KIAA1549L: variants seen among roughly 807,000 people sequenced by gnomAD.
KIAA1549L encodes the protein UPF0606 protein KIAA1549L.
KIAA1549L carries 88 observed loss-of-function variants against 160.7 expected under a neutral mutation model. That is an observed-to-expected ratio of 0.55 (90% confidence interval 0.46 to 0.65). The LOEUF (loss-of-function observed/expected upper bound fraction) is 0.65, where lower values mean the gene tolerates loss of function less well. KIAA1549L is among the 30% of genes least tolerant of loss of function. The pLI, the probability that KIAA1549L is intolerant of heterozygous loss-of-function variation, is 0.00. For synonymous variants in KIAA1549L, 950 were observed against 976.7 expected (o/e 0.97, Z 0.51); for missense variants, 2,258 against 2,437.5 (o/e 0.93, Z 1.55).
chr11:33,671,743 GTT>G lies in KIAA1549L; in HGVS notation c.*3591_*3592del, dbSNP rs1363414586. ...TTAAACATTGATTACATATAAACGA[GTT>G]TCCTTTTTTTCTACATAGCACACAG... On this transcript the variant is annotated 3_prime_UTR_variant, in exon 21 of 21. Transcript: ENST00000658780. 2 of 152,112 alleles carry G rather than the reference GTT, an allele frequency of 1.3e-5. No individual in the cohort carries two copies. The highest frequency in any genetic ancestry group is 2.9e-5 in the Non-Finnish European group (2 of 68,018). 9.4% of individuals were successfully genotyped at this position (152,112 alleles called of 1,614,324 possible). A position where few individuals can be genotyped will look rare whatever the true frequency, so the allele number is the denominator to read the frequency against.
At chr11:33,541,342 G>A (rs1011262906) in intron 1 of KIAA1549L, among the ~76,000 whole-genome samples, 1 of 152,170 alleles carries the variant, frequency 6.6e-6, no homozygotes. Context: ...CTTTCCAAAC[G>A]CAGACAACCT....
At chr11:33,586,326 C>G (rs938907231) in intron 11 of KIAA1549L, among the ~76,000 whole-genome samples, 4 of 152,096 alleles carry the variant, frequency 2.6e-5, no homozygotes, top group Admixed American at 6.5e-5. Context: ...TCCCGGGAGC[C>G]GAGACCAGAG....
intron 1 of KIAA1549L, among the ~76,000 whole-genome samples, chr11:33,528,423 C>G (rs1037867597): frequency 1.3e-5 from 2 of 152,188 alleles, no homozygotes; most frequent in African/African-American, 4.8e-5. Flanking sequence ...TATGGAGATT[C>G]CTTAAAGAAC....
chr11:33,668,295 G>A lies in KIAA1549L; in HGVS notation c.*141G>A. ...CATTTCTGAAAAGGTGAACTATGGGGCTTCTGGGAACAGGAAACTCTTGAA... is the reference window on the plus strand; with the variant it reads ...CATTTCTGAAAAGGTGAACTATGGGACTTCTGGGAACAGGAAACTCTTGAA... On this transcript the variant is annotated 3_prime_UTR_variant, in exon 21 of 21. Coordinates refer to ENST00000658780, the MANE Select transcript of KIAA1549L (RefSeq NM_012194.3). 2.6e-6 allele frequency: 2 copies of A among 778,004 alleles called. No individual in the cohort carries two copies. The highest frequency in any genetic ancestry group is 1.8e-5 in the African/African-American group (1 of 57,130). 48.2% of individuals were successfully genotyped at this position (778,004 alleles called of 1,614,324 possible).
At chr11:33,642,280 G>A (rs990819764) in intron 16 of KIAA1549L, among the ~76,000 whole-genome samples, 2 of 152,184 alleles carry the variant, frequency 1.3e-5, no homozygotes, top group Non-Finnish European at 2.9e-5. Flanking sequence ...GTTAGGGAAA[G>A]TGGGCCTTTT....
At chr11:33,448,084 A>G (rs539392419) in intron 1 of KIAA1549L, among the ~76,000 whole-genome samples, 2 of 152,244 alleles carry the variant, frequency 1.3e-5, no homozygotes, top group South Asian at 4.1e-4. Flanking sequence ...ATTATTTTTA[A>G]AAAATTTTAA....
At chr11:33,660,191 C>T (rs915818432) in intron 19 of KIAA1549L, among the ~76,000 whole-genome samples, 2 of 72 alleles carry the variant, frequency 0.028, no homozygotes, top group African/African-American at 0.14. Flanking sequence ...ACTGTCTGGA[C>T]TTTAGCCCAC....
At chr11:33,435,566 T>C (rs887704038) in intron 1 of KIAA1549L, among the ~76,000 whole-genome samples, 2 of 151,506 alleles carry the variant, frequency 1.3e-5, no homozygotes, top group African/African-American at 4.9e-5. Context: ...ATTTTGCTCC[T>C]ACATATTTTA....
Position 33,479,856 on chromosome 11 carries a change from T to A in KIAA1549L, c.239-61946T>A, listed in dbSNP as rs115840816. Among the ~76,000 whole-genome samples the A allele has an allele frequency of 5.2e-3, 788 of 152,272 alleles. 9 individuals carry two copies. Among genetic ancestry groups the A allele is most frequent in the African/African-American group, 0.017 (712 of 41,546 alleles). On this transcript the variant is annotated intron_variant, in intron 1 of 20. Coordinates refer to ENST00000658780, the MANE Select transcript of KIAA1549L (RefSeq NM_012194.3). ...GCAGGACTCTCAGGACCAAGCAAGG[T>A]AGCAGAAGAGAGGCTCAGAGCTTTC...
At chr11:33,657,534 T>A (rs1055683222) in intron 18 of KIAA1549L, among the ~76,000 whole-genome samples, 3 of 152,110 alleles carry the variant, frequency 2.0e-5, no homozygotes, top group African/African-American at 7.2e-5. Context: ...TGGTGGCTCA[T>A]GCCTGTAATC....
At chr11:33,665,359 C>G (rs1240238190) in intron 20 of KIAA1549L, 1 of 152,080 alleles carries the variant, frequency 6.6e-6, no homozygotes, top group Non-Finnish European at 1.5e-5. Context: ...TGGCTCCTCT[C>G]TGCCCACTGC....
intron 16 of KIAA1549L, among the ~76,000 whole-genome samples, chr11:33,621,413 A>G (rs940544941): frequency 2.6e-5 from 4 of 152,126 alleles, no homozygotes; most frequent in African/African-American, 9.7e-5. Context: ...TGGTAGTAAT[A>G]TTCTAGAAGG....
Position 33,614,288 on chromosome 11 carries a change from A to G in KIAA1549L, c.5280-4245A>G, listed in dbSNP as rs937590190. Among the ~76,000 whole-genome samples, 3 of 151,820 alleles carry G rather than the reference A, an allele frequency of 2.0e-5. No homozygotes were observed. In the East Asian group the frequency reaches 5.8e-4, roughly 30 times the overall value. ...GCTAGTAAAGGACTCACTGGCAGAC[A>G]TGCCTTTCATGTGCAAAGCAGCCAG... On this transcript the variant is annotated intron_variant, in intron 15 of 20. Transcript: ENST00000658780.
chr11:33,631,889 G>A (rs1468723190), intron 16 of KIAA1549L, among the ~76,000 whole-genome samples: 1 of 152,156 alleles, frequency 6.6e-6, no homozygotes. Flanking sequence ...TAGATGCGGT[G>A]TCTCTATTTG....
intron 1 of KIAA1549L, among the ~76,000 whole-genome samples, chr11:33,408,643 T>C (rs1039959254): frequency 3.3e-5 from 5 of 151,498 alleles, no homozygotes; most frequent in South Asian, 2.1e-4. Flanking sequence ...CAAAGTGATA[T>C]AGACTTTCCT....
In KIAA1549L at chr11:33,543,197, G is replaced by A. The variant is rs745943524; in HGVS notation, c.1634G>A (p.Ser545Asn). The A allele has an allele frequency of 2.5e-6, 4 of 1,613,816 alleles. No homozygotes were observed. The highest frequency in any genetic ancestry group is 3.4e-6 in the Non-Finnish European group (4 of 1,179,906). The change falls in exon 2 of 21, where the codon AGC (serine) becomes AAC (asparagine). Residue 545 changes from serine (S) to asparagine (N), a missense_variant. By Grantham distance (46) the Ser-to-Asn change is conservative. Coordinates refer to ENST00000658780, the MANE Select transcript of KIAA1549L (RefSeq NM_012194.3). ...PPATRDLLLS[S>N]KVPNLLSTSW... The stretch of plus-strand genomic sequence containing the variant: ...GCAACTAGAGACTTGCTCCTCTCAA[G>A]CAAAGTTCCTAATCTTCTTTCCACA...
At chr11:33,656,932 C>T (rs1466932634) in intron 18 of KIAA1549L, among the ~76,000 whole-genome samples, 3 of 152,140 alleles carry the variant, frequency 2.0e-5, no homozygotes, top group African/African-American at 7.2e-5. Context: ...GCTGTGCAGC[C>T]CCAGCAGTTG....
In KIAA1549L at chr11:33,672,971, CTTACATTA is replaced by C. The variant is rs1008293822; in HGVS notation, c.*4820_*4827del. ...GAAACAAAATTGGTTTCAAGTGAAA[CTTACATTA>C]TTTTTTGGCTGTGACCTTCTGAATA... is the stretch of plus-strand genomic sequence containing the variant. On this transcript the variant is annotated 3_prime_UTR_variant, in exon 21 of 21. Coordinates refer to ENST00000658780, the MANE Select transcript of KIAA1549L (RefSeq NM_012194.3). 6.5e-6 allele frequency: 1 copy of C among 153,462 alleles called. No individual in the cohort carries two copies. Among genetic ancestry groups the C allele is most frequent in the African/African-American group, 2.4e-5 (1 of 41,456 alleles). The allele number at this position is 153,462 out of a possible 1,614,324, so 9.5% of individuals were successfully genotyped here. A position where few individuals can be genotyped will look rare whatever the true frequency, so the allele number is the denominator to read the frequency against.
chr11:33,628,485 T>A (rs553654870), intron 16 of KIAA1549L, among the ~76,000 whole-genome samples: 1 of 150,722 alleles, frequency 6.6e-6, no homozygotes, highest in East Asian at 1.9e-4. Context: ...TGGGCGCATA[T>A]ATATTTAGGA....
Sources: gnomAD v4.1 joint callset for allele counts (sites outside exome capture counted in the v4.1 genomes callset) on GRCh38, gnomAD v4.1.1 for gene constraint, MANE v1.5 for transcripts, NCBI Gene and HGNC (gene_info 2026-07-23, HGNC 2026-07-21) for gene names.